Variants in RIMKLB observed in about 807,000 individuals in gnomAD.
RIMKLB encodes ribosomal modification protein rimK like family member B.
RIMKLB carries 7 observed loss-of-function variants against 32.0 expected under a neutral mutation model. The ratio of observed to expected loss-of-function variants is 0.22; its 90% CI spans 0.12 to 0.41. RIMKLB has a LOEUF of 0.41. Ranked by LOEUF, RIMKLB falls within the 10% of genes least tolerant of loss-of-function variation. RIMKLB has a pLI of 1.00. For missense variants in RIMKLB, 289 were observed against 498.7 expected, an observed-to-expected ratio of 0.58 and a Z score of 4.00; for synonymous variants, 172 against 185.1, an observed-to-expected ratio of 0.93 and a Z score of 0.57.
At chr12:8,691,176 A>T (rs1251373324) in intron 1 of RIMKLB, among the ~76,000 whole-genome samples, 1 of 152,178 alleles carries the variant, frequency 6.6e-6, no homozygotes, top group Non-Finnish European at 1.5e-5. Flanking sequence ...AACCTGTATG[A>T]GTGCAGTAGC....
chr12:8,759,005 A>G (rs1348176575), intron 5 of RIMKLB, among the ~76,000 whole-genome samples: 1 of 152,206 alleles, frequency 6.6e-6, no homozygotes, highest in African/African-American at 2.4e-5. Context: ...GAGCAATAAT[A>G]CTATAAACAT....
chr12:8,768,944 C>T (rs1950190101), intron 5 of RIMKLB, among the ~76,000 whole-genome samples: 1 of 152,044 alleles, frequency 6.6e-6, no homozygotes, highest in African/African-American at 2.4e-5. Flanking sequence ...TTCTATCTTT[C>T]TGTTGTATTC....
At chr12:8,691,582 GGT>G (rs1942734680) in intron 1 of RIMKLB, among the ~76,000 whole-genome samples, 1 of 152,016 alleles carries the variant, frequency 6.6e-6, no homozygotes, top group African/African-American at 2.4e-5. Context: ...CTCCCGCCTG[GGT>G]GACAGAGTGA....
At chr12:8,755,231 A>G (rs1053336442) in intron 5 of RIMKLB, among the ~76,000 whole-genome samples, 4 of 151,604 alleles carry the variant, frequency 2.6e-5, no homozygotes, top group African/African-American at 9.7e-5. Flanking sequence ...GATTACAGGC[A>G]TGAGCCACCA....
chr12:8,774,539 G>C lies in RIMKLB; in HGVS notation c.*755G>C. The C allele has an allele frequency of 1.0e-6, 1 of 962,054 alleles. No homozygotes were observed. The highest frequency in any genetic ancestry group is 1.2e-4 in the East Asian group (1 of 8,550). 59.6% of individuals were successfully genotyped at this position (962,054 alleles called of 1,614,324 possible). The stretch of plus-strand genomic sequence containing the variant: ...TTCACTTGTATTTGTTAGTGTTTTA[G>C]TCTTTTTTGAAAGATGTGCTCTGTT... On this transcript the variant is annotated 3_prime_UTR_variant, in exon 6 of 6. Coordinates refer to ENST00000535829, the MANE Select transcript of RIMKLB (RefSeq NM_001297776.2).
chr12:8,727,466 A>G (rs993397237), intron 2 of RIMKLB, among the ~76,000 whole-genome samples: 2 of 152,030 alleles, frequency 1.3e-5, no homozygotes, highest in African/African-American at 4.8e-5. Context: ...CTTGAACTCA[A>G]CCTCAGGTAA....
chr12:8,763,889 C>T (rs186796583), intron 5 of RIMKLB, among the ~76,000 whole-genome samples: 18 of 152,230 alleles, frequency 1.2e-4, no homozygotes, highest in Admixed American at 7.8e-4. Flanking sequence ...GAAGGATCTT[C>T]AAAGGCAAAC....
downstream of RIMKLB, among the ~76,000 whole-genome samples, chr12:8,782,037 C>A (rs1452114819): frequency 2.0e-5 from 3 of 150,064 alleles, no homozygotes; most frequent in Non-Finnish European, 4.4e-5. Flanking sequence ...TTCCTTGAGA[C>A]AGGGTCTCAC....
At chr12:8,770,182 C>G (rs1158549103) in intron 5 of RIMKLB, among the ~76,000 whole-genome samples, 1 of 152,224 alleles carries the variant, frequency 6.6e-6, no homozygotes. Flanking sequence ...AGCCTGGTCT[C>G]TAACTCCTGA....
At chr12:8,765,698 CT>C (rs1247683916) in intron 5 of RIMKLB, among the ~76,000 whole-genome samples, 1 of 152,142 alleles carries the variant, frequency 6.6e-6, no homozygotes, top group African/African-American at 2.4e-5. Context: ...AATATTGGCA[CT>C]CTTTGGTTCA....
intron 1 of RIMKLB, among the ~76,000 whole-genome samples, chr12:8,705,458 C>G (rs1326640588): frequency 7.6e-6 from 1 of 130,934 alleles, no homozygotes; most frequent in African/African-American, 3.0e-5. Flanking sequence ...GCCTGGGTGA[C>G]AGATTGAGAC....
In RIMKLB at chr12:8,713,703, T is replaced by C. The variant is rs1035566750; in HGVS notation, c.-56-108T>C. 4 of 706,416 alleles carry C rather than the reference T, an allele frequency of 5.7e-6. No individual in the cohort carries two copies. In the African/African-American group the frequency reaches 7.2e-5, roughly 13 times the overall value. 43.8% of individuals were successfully genotyped at this position (706,416 alleles called of 1,614,324 possible). A position where few individuals can be genotyped will look rare whatever the true frequency, so the allele number is the denominator to read the frequency against. Reference sequence around the variant, plus strand: ...GAAACAATATCTCTACACGTGTTTTTTCCTGTTTATATAATTAGTATATAA... The same window carrying C: ...GAAACAATATCTCTACACGTGTTTTCTCCTGTTTATATAATTAGTATATAA... On this transcript the variant is annotated intron_variant, in intron 1 of 5. Transcript: ENST00000535829.
chr12:8,685,644 C>T (rs889940142), intron 1 of RIMKLB, among the ~76,000 whole-genome samples: 4 of 148,010 alleles, frequency 2.7e-5, no homozygotes, highest in Admixed American at 6.6e-5. Context: ...GATGCCTGCT[C>T]TTTCATTTCT....
intron 1 of RIMKLB, among the ~76,000 whole-genome samples, chr12:8,705,476 CAA>C (rs10607711): frequency 2.0e-3 from 212 of 105,302 alleles, no homozygotes; most frequent in East Asian, 7.3e-3. Flanking sequence ...GACTCCATCT[CAA>C]AAAAAAAAAA....
At position 8,773,648 on chromosome 12, in the gene RIMKLB, A is replaced by C. The variant is rs1950568258; in HGVS notation, c.1025A>C (p.Asp342Ala). The C allele has an allele frequency of 6.2e-7, 1 of 1,614,108 alleles. No homozygotes were observed. The highest frequency in any genetic ancestry group is 1.3e-5 in the African/African-American group (1 of 74,930). ...GGTCCCCCAGCCAGCACTGCTGTTG[A>C]CAACATGAGTGCAAGTTCCAGCTCT... is the stretch of plus-strand genomic sequence containing the variant. ...ELGPPASTAV[D>A]NMSASSSSVD... Residue 342 changes from aspartate (D) to alanine (A), a missense_variant, in exon 6 of 6, where the codon GAC becomes GCC. Transcript: ENST00000535829.
In RIMKLB at chr12:8,775,220, G is replaced by A; in HGVS notation, c.*1436G>A. ...TTTTTACATATAGGATTTGGGATTGGGGGTGGGTTGGATGTTTTTGTTTGG... is the reference window on the plus strand; with the variant it reads ...TTTTTACATATAGGATTTGGGATTGAGGGTGGGTTGGATGTTTTTGTTTGG... On this transcript the variant is annotated 3_prime_UTR_variant, in exon 6 of 6. Coordinates refer to ENST00000535829, the MANE Select transcript of RIMKLB (RefSeq NM_001297776.2). 3 of 985,658 alleles carry A rather than the reference G, an allele frequency of 3.0e-6. No individual in the cohort carries two copies. Among genetic ancestry groups the A allele is most frequent in the Non-Finnish European group, 3.6e-6 (3 of 829,860 alleles). 61.1% of individuals were successfully genotyped at this position (985,658 alleles called of 1,614,324 possible).
At chr12:8,753,065 A>G (rs888126025) in intron 4 of RIMKLB, among the ~76,000 whole-genome samples, 1 of 152,170 alleles carries the variant, frequency 6.6e-6, no homozygotes, top group African/African-American at 2.4e-5. Flanking sequence ...ATTTTAAGGC[A>G]TAAAATGATA....
At chr12:8,765,411 TGA>T (rs1949872338) in intron 5 of RIMKLB, among the ~76,000 whole-genome samples, 1 of 152,146 alleles carries the variant, frequency 6.6e-6, no homozygotes, top group Non-Finnish European at 1.5e-5. Flanking sequence ...TTGACCTGAC[TGA>T]GATACCAGAG....
At chr12:8,758,969 A>G (rs966817013) in intron 5 of RIMKLB, among the ~76,000 whole-genome samples, 91 of 152,296 alleles carry the variant, frequency 6.0e-4, no homozygotes, top group African/African-American at 1.8e-3. Flanking sequence ...TTGAATTGCA[A>G]TTTGTATTCA....
Sources: gnomAD v4.1 joint callset for allele counts (sites outside exome capture counted in the v4.1 genomes callset) on GRCh38, gnomAD v4.1.1 for gene constraint, MANE v1.5 for transcripts, NCBI Gene and HGNC (gene_info 2026-07-23, HGNC 2026-07-21) for gene names.